The following ABI2 variants were observed in gnomAD, a reference collection of about 807,000 sequenced individuals.
The protein encoded by ABI2 is abelson interactor 2.
ABI2 carries 25 observed loss-of-function variants against 59.2 expected under a neutral mutation model. That is an observed-to-expected ratio of 0.42 (90% CI 0.31 to 0.59). The LOEUF is 0.59. Among genes scored for constraint, ABI2 ranks in the 20% least tolerant of loss-of-function variants. The probability of loss-of-function intolerance (pLI) is 0.14; values close to 1 mark genes in which losing one functional copy is unlikely to be tolerated. For synonymous variants in ABI2, 213 were observed against 235.5 expected, an observed-to-expected ratio of 0.90 and a Z score of 0.87; for missense variants, 545 against 681.8, an observed-to-expected ratio of 0.80 and a Z score of 2.23.
At chr2:203,365,052 T>C (rs2094211107) in intron 1 of ABI2, among the ~76,000 whole-genome samples, 1 of 152,174 alleles carries the variant, frequency 6.6e-6, no homozygotes, top group Admixed American at 6.5e-5. Flanking sequence ...GCTTTACTCC[T>C]TTTGATAATG....
At chr2:203,397,587 G>A (rs1401227813) in intron 8 of ABI2, among the ~76,000 whole-genome samples, 2 of 152,198 alleles carry the variant, frequency 1.3e-5, no homozygotes, top group African/African-American at 4.8e-5. Context: ...ACAGGTTCTT[G>A]TCTGCTATAA....
intron 1 of ABI2, among the ~76,000 whole-genome samples, chr2:203,337,822 G>A (rs2077149098): frequency 6.6e-6 from 1 of 152,172 alleles, no homozygotes; most frequent in African/African-American, 2.4e-5. Context: ...CCTGAGGTCA[G>A]GAGTTCAAGA....
At chr2:203,375,448 TCTTA>T (rs1007792144) in intron 2 of ABI2, among the ~76,000 whole-genome samples, 18 of 152,212 alleles carry the variant, frequency 1.2e-4, no homozygotes, top group African/African-American at 4.3e-4. Context: ...GAAATACTTT[TCTTA>T]CTTTTAAAAT....
intron 2 of ABI2, among the ~76,000 whole-genome samples, chr2:203,379,368 C>T (rs754896489): frequency 1.6e-4 from 24 of 152,106 alleles, no homozygotes; most frequent in Non-Finnish European, 3.1e-4. Flanking sequence ...TTATTTCAGC[C>T]TCTCAGTTAG....
At chr2:203,385,152 T>TTTTTTTTTTTTTTTTTTTA (rs71007511) in intron 4 of ABI2, among the ~76,000 whole-genome samples, 1 of 51,888 alleles carries the variant, frequency 1.9e-5, no homozygotes, top group Non-Finnish European at 5.6e-5. Context: ...TTTTTTTTTT[T>TTTTTTTTTTTTTTTTTTTA]GAGACAGTCT....
intron 2 of ABI2, among the ~76,000 whole-genome samples, chr2:203,373,133 G>C (rs1425563016): frequency 1.3e-5 from 2 of 152,150 alleles, no homozygotes; most frequent in Admixed American, 6.5e-5. Context: ...GGAGGTTGTA[G>C]CGAGCCGAGA....
intron 1 of ABI2, among the ~76,000 whole-genome samples, chr2:203,338,965 T>TATATATATATATATAA (rs2078081665): frequency 1.1e-4 from 1 of 9,478 alleles, no homozygotes; most frequent in African/African-American, 2.7e-4. Context: ...TATATATAAA[T>TATATATATATATATAA]ATATATATAT....
chr2:203,404,998 A>T (rs1219802854), intron 9 of ABI2, among the ~76,000 whole-genome samples: 1 of 152,214 alleles, frequency 6.6e-6, no homozygotes, highest in Non-Finnish European at 1.5e-5. Flanking sequence ...GTTTCTTTGT[A>T]AATCTGATTT....
At chr2:203,357,273 A>G (rs1393479126) in intron 1 of ABI2, among the ~76,000 whole-genome samples, 2 of 152,242 alleles carry the variant, frequency 1.3e-5, no homozygotes, top group Admixed American at 6.5e-5. Context: ...ATGGTAACTG[A>G]CTCCTTGGGA....
chr2:203,403,606 C>A (rs2097306806), intron 9 of ABI2, among the ~76,000 whole-genome samples: 1 of 148,498 alleles, frequency 6.7e-6, no homozygotes, highest in African/African-American at 2.5e-5. Flanking sequence ...TCATTTGATT[C>A]TTAGAATCAC....
intron 1 of ABI2, among the ~76,000 whole-genome samples, chr2:203,359,995 G>T (rs1483295115): frequency 1.3e-5 from 2 of 151,888 alleles, no homozygotes; most frequent in Non-Finnish European, 2.9e-5. Flanking sequence ...GACCATCCTG[G>T]CCAACATGGT....
chr2:203,367,323 C>CTTTTT, intron 2 of ABI2: 2 of 167,792 alleles, frequency 1.2e-5, no homozygotes, highest in Non-Finnish European at 2.4e-5. Context: ...ATTCCCCCGC[C>CTTTTT]TTTTTTTTTT....
At chr2:203,357,122 T>C (rs755570409) in intron 1 of ABI2, among the ~76,000 whole-genome samples, 33 of 152,198 alleles carry the variant, frequency 2.2e-4, no homozygotes, top group Non-Finnish European at 3.8e-4. Flanking sequence ...AAAATAGATA[T>C]AAAATTTGTG....
intron 9 of ABI2, among the ~76,000 whole-genome samples, chr2:203,406,872 A>T (rs1435372114): frequency 1.3e-5 from 2 of 152,048 alleles, no homozygotes; most frequent in African/African-American, 2.4e-5. Flanking sequence ...CGGGTTGGCC[A>T]GGCTGATCTC....
At chr2:203,359,980 A>G (rs2093179486) in intron 1 of ABI2, among the ~76,000 whole-genome samples, 1 of 151,960 alleles carries the variant, frequency 6.6e-6, no homozygotes, top group Admixed American at 6.6e-5. Context: ...AGGTCAAGAG[A>G]TTGAGACCAT....
At chr2:203,422,861 G>T (rs757783544) in intron 11 of ABI2, among the ~76,000 whole-genome samples, 1 of 152,140 alleles carries the variant, frequency 6.6e-6, no homozygotes, top group African/African-American at 2.4e-5. Context: ...TAGTGTCCAG[G>T]TTAACTTTGC....
intron 11 of ABI2, among the ~76,000 whole-genome samples, chr2:203,423,931 AT>A (rs1397955266): frequency 2.0e-5 from 3 of 152,254 alleles, no homozygotes; most frequent in African/African-American, 7.2e-5. Flanking sequence ...GAAATTTAGA[AT>A]GTATTTTTAC....
At chr2:203,357,376 C>G (rs562384699) in intron 1 of ABI2, among the ~76,000 whole-genome samples, 1 of 152,314 alleles carries the variant, frequency 6.6e-6, no homozygotes, top group Admixed American at 6.5e-5. Context: ...CACAGCATTT[C>G]TAGAAACCTC....
At chr2:203,332,211 A>G (rs915618888) in intron 1 of ABI2, among the ~76,000 whole-genome samples, 3 of 152,218 alleles carry the variant, frequency 2.0e-5, no homozygotes, top group Non-Finnish European at 4.4e-5. Flanking sequence ...AAACAGGTAT[A>G]ACTACAGTTT....
Sources: allele counts gnomAD v4.1 joint callset (sites outside exome capture counted in the v4.1 genomes callset), GRCh38; gene constraint gnomAD v4.1.1; transcripts MANE v1.5; gene names NCBI Gene and HGNC (gene_info 2026-07-23, HGNC 2026-07-21).